FBXO33: variants seen among roughly 807,000 people sequenced by gnomAD.
FBXO33 encodes the protein F-box protein 33.
A neutral mutation model predicts 46.3 loss-of-function variants in FBXO33; 22 were observed. That is an observed-to-expected ratio of 0.48 (90% confidence interval 0.34 to 0.68). The LOEUF is 0.68. FBXO33 is among the 30% of genes least tolerant of loss of function. The pLI, the probability that FBXO33 is intolerant of heterozygous loss-of-function variation, is 0.01. For synonymous variants in FBXO33, 337 were observed against 291.3 expected (o/e 1.16, Z -1.60); for missense variants, 692 against 708.8 (o/e 0.98, Z 0.27).
chr14:39,419,518 G>A (rs1381270704), intron 1 of FBXO33, among the ~76,000 whole-genome samples: 1 of 152,156 alleles, frequency 6.6e-6, no homozygotes, highest in Admixed American at 6.6e-5. Context: ...CAGCAACACT[G>A]GAACAGAACC....
chr14:39,398,178 C>T lies in FBXO33; in HGVS notation c.*1338G>A, dbSNP rs1567071155. On this transcript the variant is annotated 3_prime_UTR_variant, in exon 4 of 4. Coordinates refer to ENST00000298097, the MANE Select transcript of FBXO33 (RefSeq NM_203301.4). ...GCTGGGCACCCAGGTTGGCTACTTA[C>T]TTTATTATTGCAGACTGTCCTTTAA... The T allele has an allele frequency of 6.6e-6, 1 of 152,626 alleles. No homozygotes were observed. The highest frequency in any genetic ancestry group is 1.9e-4 in the East Asian group (1 of 5,200). 9.5% of individuals were successfully genotyped at this position (152,626 alleles called of 1,614,324 possible).
chr14:39,404,931 G>A lies in FBXO33; in HGVS notation c.600-2420C>T, dbSNP rs569836091. On this transcript the variant is annotated intron_variant, in intron 1 of 3. Transcript: ENST00000298097. ...TGGGAGGCTGAGGTGGGTGGATCACGAGGTCAGGAGTTCGAGACCAGTCCG... is the reference window on the plus strand; with the variant it reads ...TGGGAGGCTGAGGTGGGTGGATCACAAGGTCAGGAGTTCGAGACCAGTCCG... 1.4e-4 allele frequency among the ~76,000 whole-genome samples: 22 copies of A among 151,920 alleles called. 1 individual carries two copies. In the South Asian group the frequency reaches 2.1e-3, roughly 14 times the overall value.
At chr14:39,414,989 G>T (rs1337968688) in intron 1 of FBXO33, among the ~76,000 whole-genome samples, 1 of 152,152 alleles carries the variant, frequency 6.6e-6, no homozygotes, top group Non-Finnish European at 1.5e-5. Context: ...AGCTCAATGT[G>T]AGGGCAAGAA....
At chr14:39,411,543 A>G (rs1348934012) in intron 1 of FBXO33, among the ~76,000 whole-genome samples, 2 of 146,706 alleles carry the variant, frequency 1.4e-5, no homozygotes, top group Non-Finnish European at 3.0e-5. Context: ...TTTTCTTGAG[A>G]CAAGAGTCTC....
chr14:39,431,574 G>C lies in FBXO33; in HGVS notation c.589C>G (p.Arg197Gly), dbSNP rs1249735048. 1 of 1,612,240 alleles carries C rather than the reference G, an allele frequency of 6.2e-7. No homozygotes were observed. The highest frequency in any genetic ancestry group is 8.5e-7 in the Non-Finnish European group (1 of 1,180,008). Residue 197 changes from arginine (R) to glycine (G), a missense_variant, in exon 1 of 4, where the codon CGG becomes GGG. By Grantham distance (125) the Arg-to-Gly change is moderately radical. Around this residue, in one of 3 missense-constraint regions of FBXO33, gnomAD observed 412 missense variants for 370.8 expected, o/e 1.11. Transcript: ENST00000298097. ...TCAGGGCAAGCCTACCTGTTGTTCC[G>C]GATGCTGACCAGCACGCAAAGCACC... ...ELVLCVLVSIRNNRNLQKFSL... is the reference protein window; with the variant it reads ...ELVLCVLVSIGNNRNLQKFSL...
rs760041390 is a variant in FBXO33 at position 39,431,923 on chromosome 14, G to A, written c.240C>T (p.Phe80=). ...SLPSELIVHI[F]SFLPAPDRLR... ...GCCGGTCGGGCGCCGGCAGAAAAGA[G>A]AAGATGTGCACGATCAGCTCGCTGG... Residue 80 remains phenylalanine (F), a synonymous_variant, in exon 1 of 4, where the codon TTC becomes TTT. Coordinates refer to ENST00000298097, the MANE Select transcript of FBXO33 (RefSeq NM_203301.4). 5.6e-4 allele frequency: 861 copies of A among 1,538,032 alleles called. No individual in the cohort carries two copies. Among genetic ancestry groups the A allele is most frequent in the Non-Finnish European group, 7.1e-4 (821 of 1,148,262 alleles).
At chr14:39,423,756 T>G (rs527912013) in intron 1 of FBXO33, among the ~76,000 whole-genome samples, 1 of 152,188 alleles carries the variant, frequency 6.6e-6, no homozygotes, top group Non-Finnish European at 1.5e-5. Context: ...GAGTGGTAAC[T>G]GGTAGGGGTC....
chr14:39,407,205 C>G (rs1160732985), intron 1 of FBXO33, among the ~76,000 whole-genome samples: 1 of 152,152 alleles, frequency 6.6e-6, no homozygotes, highest in African/African-American at 2.4e-5. Context: ...TAGGAATAAA[C>G]TGAACAGAAG....
intron 1 of FBXO33, among the ~76,000 whole-genome samples, chr14:39,414,782 C>T (rs2075439566): frequency 6.6e-6 from 1 of 152,166 alleles, no homozygotes; most frequent in African/African-American, 2.4e-5. Context: ...CCACCTCAGC[C>T]TCCCAAGTAG....
At chr14:39,419,200 G>A (rs922763315) in intron 1 of FBXO33, among the ~76,000 whole-genome samples, 1 of 152,210 alleles carries the variant, frequency 6.6e-6, no homozygotes, top group African/African-American at 2.4e-5. Context: ...TGAATACAAT[G>A]CTTTCATTCA....
Position 39,431,678 on chromosome 14 carries a change from G to T in FBXO33, c.485C>A (p.Thr162Asn), listed in dbSNP as rs777442021. 2.5e-6 allele frequency: 4 copies of T among 1,613,542 alleles called. No homozygotes were observed. Among genetic ancestry groups the T allele is most frequent in the East Asian group, 4.5e-5 (2 of 44,874 alleles). ...CTCGACTTCCTCCCCTCCAGTCCCGGTGTCCGCGCCACCTCCGTCCCCTGG... is the reference window on the plus strand; with the variant it reads ...CTCGACTTCCTCCCCTCCAGTCCCGTTGTCCGCGCCACCTCCGTCCCCTGG... The part of the protein sequence containing the change: ...GGPGDGGGAD[T>N]GTGGEEVEAL... The change falls in exon 1 of 4, where the codon ACC becomes AAC. Residue 162 changes from threonine to asparagine, a missense_variant. By Grantham distance (65) the Thr-to-Asn change is moderately conservative (BLOSUM62 0). Around this residue, in one of 3 missense-constraint regions of FBXO33, gnomAD observed 412 missense variants for 370.8 expected, o/e 1.11. Transcript: ENST00000298097.
chr14:39,415,332 G>C (rs2075442569), intron 1 of FBXO33, among the ~76,000 whole-genome samples: 1 of 152,082 alleles, frequency 6.6e-6, no homozygotes, highest in Non-Finnish European at 1.5e-5. Context: ...GAACAACAAA[G>C]ATATAACAAG....
intron 1 of FBXO33, among the ~76,000 whole-genome samples, chr14:39,423,121 CAAAAAAA>C (rs982059339): frequency 6.7e-6 from 1 of 149,428 alleles, no homozygotes; most frequent in Non-Finnish European, 1.5e-5. Flanking sequence ...GACTCCATCT[CAAAAAAA>C]ACAAAAAGCT....
At chr14:39,427,720 T>C (rs747199445) in intron 1 of FBXO33, among the ~76,000 whole-genome samples, 2 of 152,014 alleles carry the variant, frequency 1.3e-5, no homozygotes, top group Non-Finnish European at 2.9e-5. Flanking sequence ...GGGAGAATCA[T>C]ATGAGGCCAG....
chr14:39,430,533 T>C (rs1012000919), intron 1 of FBXO33, among the ~76,000 whole-genome samples: 1 of 152,162 alleles, frequency 6.6e-6, no homozygotes, highest in Admixed American at 6.5e-5. Context: ...CTTGATCCTA[T>C]AAAGGGTCAG....
intron 1 of FBXO33, among the ~76,000 whole-genome samples, chr14:39,427,394 G>T (rs1247545609): frequency 6.6e-6 from 1 of 152,132 alleles, no homozygotes; most frequent in South Asian, 2.1e-4. Flanking sequence ...ACTAATTCTT[G>T]AACAGGGCAG....
At chr14:39,402,896 T>C (rs1262011694) in intron 1 of FBXO33, among the ~76,000 whole-genome samples, 2 of 151,948 alleles carry the variant, frequency 1.3e-5, no homozygotes, top group Admixed American at 1.3e-4. Flanking sequence ...TCTTTATACA[T>C]ACAAAGCAAC....
intron 1 of FBXO33, among the ~76,000 whole-genome samples, chr14:39,416,925 T>C (rs2075451296): frequency 6.6e-6 from 1 of 152,228 alleles, no homozygotes; most frequent in Non-Finnish European, 1.5e-5. Context: ...GCTGCATTGT[T>C]GTCTGTGCCT....
intron 1 of FBXO33, among the ~76,000 whole-genome samples, chr14:39,423,918 G>A (rs1364059222): frequency 2.6e-5 from 4 of 152,156 alleles, no homozygotes; most frequent in Non-Finnish European, 5.9e-5. Context: ...CATCACCCAG[G>A]TAGTGAGCAT....
Sources: gnomAD v4.1 joint callset for allele counts (sites outside exome capture counted in the v4.1 genomes callset) on GRCh38, gnomAD v4.1.1 for gene constraint, gnomAD v4.1.1 regional missense constraint, MANE v1.5 for transcripts, NCBI Gene and HGNC (gene_info 2026-07-23, HGNC 2026-07-21) for gene names.